KALRN: variants seen among roughly 807,000 people sequenced by gnomAD.
KALRN encodes the protein kalirin RhoGEF kinase, also known as kalirin.
KALRN carries 70 observed loss-of-function variants against 353.7 expected under a neutral mutation model. The ratio of observed to expected loss-of-function variants is 0.20; its 90% CI spans 0.16 to 0.24. KALRN has a LOEUF of 0.24. Among genes scored for constraint, KALRN ranks in the 10% least tolerant of loss-of-function variants. KALRN has a pLI of 1.00. For missense variants in KALRN, 2,791 were observed against 3,756.7 expected, an observed-to-expected ratio of 0.74 and a Z score of 6.72; for synonymous variants, 1,391 against 1,434.8, an observed-to-expected ratio of 0.97 and a Z score of 0.69.
chr3:124,711,381 GT>G (rs2062880188), intron 57 of KALRN, among the ~76,000 whole-genome samples: 1 of 152,100 alleles, frequency 6.6e-6, no homozygotes, highest in South Asian at 2.1e-4. Flanking sequence ...TTAGAAAGTT[GT>G]CTTTTGAGCA....
chr3:124,272,809 C>T (rs116204319), intron 5 of KALRN, among the ~76,000 whole-genome samples: 135 of 152,246 alleles, frequency 8.9e-4, no homozygotes, highest in South Asian at 1.7e-3. Flanking sequence ...AATATCTGCG[C>T]GGAGCTAAGT....
chr3:124,449,705 C>T (rs1235054746), intron 21 of KALRN, among the ~76,000 whole-genome samples: 2 of 152,206 alleles, frequency 1.3e-5, no homozygotes, highest in South Asian at 2.1e-4. Flanking sequence ...TCTGCATTCC[C>T]TACTCTCCTC....
chr3:124,157,328 G>A (rs1301181356), intron 1 of KALRN, among the ~76,000 whole-genome samples: 1 of 152,128 alleles, frequency 6.6e-6, no homozygotes, highest in Non-Finnish European at 1.5e-5. Context: ...CGTGTAGACA[G>A]GGCTGCTTCT....
chr3:124,240,946 A>T (rs78914920), intron 3 of KALRN, among the ~76,000 whole-genome samples: 2,898 of 152,256 alleles, frequency 0.019, 92 homozygotes, highest in African/African-American at 0.066. Context: ...TAATAGTAAT[A>T]ATGATAATAA....
intron 1 of KALRN, chr3:124,164,131 G>A (rs552233065): frequency 2.7e-4 from 71 of 259,150 alleles, no homozygotes; most frequent in Non-Finnish European, 3.4e-4. Flanking sequence ...TAATTTAGGC[G>A]GCATATAAAA....
intron 6 of KALRN, among the ~76,000 whole-genome samples, chr3:124,312,551 C>G (rs2078378316): frequency 6.6e-6 from 1 of 152,152 alleles, no homozygotes; most frequent in Non-Finnish European, 1.5e-5. Context: ...GCAAGTGGGT[C>G]TTTACTTGCT....
chr3:124,275,098 A>G (rs1195179779), intron 5 of KALRN, among the ~76,000 whole-genome samples: 1 of 152,160 alleles, frequency 6.6e-6, no homozygotes, highest in Non-Finnish European at 1.5e-5. Context: ...CTGCTTCCAC[A>G]CTGCACTGTT....
At chr3:124,642,806 G>GTTTTTTTGTTGTTGTTTTTTTT (rs1553707032) in intron 37 of KALRN, among the ~76,000 whole-genome samples, 1 of 96,840 alleles carries the variant, frequency 1.0e-5, no homozygotes, top group Non-Finnish European at 1.9e-5. Flanking sequence ...CCCAAGCCTC[G>GTTTTTTTGTTGTTGTTTTTTTT]TTTTTTTTTT....
chr3:124,172,700 T>C (rs1018493960), intron 1 of KALRN, among the ~76,000 whole-genome samples: 1 of 152,028 alleles, frequency 6.6e-6, no homozygotes, highest in African/African-American at 2.4e-5. Context: ...AGGTGCACAG[T>C]AAAGGGTGGC....
chr3:124,047,667 T>A lies in KALRN; in HGVS notation c.73+13854T>A, dbSNP rs1477735886. Among the ~76,000 whole-genome samples, 8 of 139,698 alleles carry A rather than the reference T, an allele frequency of 5.7e-5. No individual in the cohort carries two copies. The South Asian group carries it at 7.6e-4, about 13-fold the overall frequency. 91.6% of individuals were successfully genotyped at this position (139,698 alleles called of 152,430 possible). A position where few individuals can be genotyped will look rare whatever the true frequency, so the allele number is the denominator to read the frequency against. ...GCCACCACGCCTGGCTAATTTTTTT[T>A]TATTTTTTTTTATTTTTAGTAGAGA... On this transcript the variant is annotated intron_variant, in intron 1 of 59. Coordinates refer to ENST00000682506, the MANE Select transcript of KALRN (RefSeq NM_001388419.1).
chr3:124,291,086 T>C (rs902852812), intron 5 of KALRN, among the ~76,000 whole-genome samples: 13 of 152,202 alleles, frequency 8.5e-5, no homozygotes, highest in Non-Finnish European at 1.6e-4. Context: ...GAACCACAGC[T>C]TGCCAGCAGA....
At chr3:124,333,671 T>A (rs991049543) in intron 8 of KALRN, among the ~76,000 whole-genome samples, 11 of 152,096 alleles carry the variant, frequency 7.2e-5, no homozygotes, top group African/African-American at 2.7e-4. Context: ...GCGGATCACC[T>A]GAGGTTAGGA....
intron 1 of KALRN, among the ~76,000 whole-genome samples, chr3:124,212,192 G>A (rs760449477): frequency 2.0e-5 from 3 of 151,240 alleles, no homozygotes; most frequent in African/African-American, 7.3e-5. Context: ...ATACATATTT[G>A]TTGTAGAAAG....
At chr3:124,610,616 CTAGA>C (rs1401150522) in intron 34 of KALRN, among the ~76,000 whole-genome samples, 1 of 143,292 alleles carries the variant, frequency 7.0e-6, no homozygotes, top group Non-Finnish European at 1.5e-5. Context: ...TCGCCTCTCT[CTAGA>C]TATTAACTAA....
chr3:124,546,047 A>G (rs528147773), intron 33 of KALRN, among the ~76,000 whole-genome samples: 5 of 152,224 alleles, frequency 3.3e-5, no homozygotes, highest in African/African-American at 7.2e-5. Flanking sequence ...GTAACTTACT[A>G]TGGGAAAGGG....
At chr3:124,531,181 C>T (rs998125353) in intron 33 of KALRN, among the ~76,000 whole-genome samples, 4 of 152,160 alleles carry the variant, frequency 2.6e-5, no homozygotes, top group Admixed American at 2.6e-4. Flanking sequence ...GTCACATAGA[C>T]CTACTCAATC....
intron 33 of KALRN, among the ~76,000 whole-genome samples, chr3:124,527,004 G>A (rs981361280): frequency 6.6e-6 from 1 of 152,190 alleles, no homozygotes; most frequent in Non-Finnish European, 1.5e-5. Flanking sequence ...CCCTCATGGA[G>A]TTTATATTCT....
intron 21 of KALRN, 131 bp downstream of exon 21, chr3:124,447,016 T>A: frequency 9.9e-7 from 1 of 1,012,000 alleles, no homozygotes; most frequent in Non-Finnish European, 1.4e-6. Flanking sequence ...GGGAAGCATG[T>A]AAATGTCCTA....
chr3:124,654,363 G>T (rs1354348771), intron 38 of KALRN, among the ~76,000 whole-genome samples: 5 of 152,198 alleles, frequency 3.3e-5, no homozygotes, highest in African/African-American at 4.8e-5. Flanking sequence ...GGTGGCTTCT[G>T]GGGCTATACG....
Sources: gnomAD v4.1 joint callset for allele counts (sites outside exome capture counted in the v4.1 genomes callset) on GRCh38, gnomAD v4.1.1 for gene constraint, MANE v1.5 for transcripts, NCBI Gene and HGNC (gene_info 2026-07-23, HGNC 2026-07-21) for gene names.